Variants in JADE1 observed in about 807,000 individuals in gnomAD.
The protein encoded by JADE1 is jade family PHD finger 1.
Under a neutral mutation model 81.8 loss-of-function variants are expected in JADE1, and 14 were observed. The observed-to-expected ratio is 0.17, with a 90% CI of 0.11 to 0.27. JADE1 has a LOEUF of 0.27. Ranked by LOEUF, JADE1 falls within the 10% of genes least tolerant of loss-of-function variation. The pLI is 1.00. For synonymous variants in JADE1, 353 were observed against 391.9 expected (o/e 0.90, Z 1.17); for missense variants, 690 against 1,047.9 (o/e 0.66, Z 4.71).
chr4:128,857,154 G>A (rs1230634266), intron 7 of JADE1, among the ~76,000 whole-genome samples, 184 bp from the exon 8 acceptor site: 1 of 152,202 alleles, frequency 6.6e-6, no homozygotes, highest in Non-Finnish European at 1.5e-5. Flanking sequence ...GGACTGGGCT[G>A]TGAGCTCAGT....
At chr4:128,866,827 A>G (rs548884323) in intron 9 of JADE1, among the ~76,000 whole-genome samples, 2 of 152,332 alleles carry the variant, frequency 1.3e-5, no homozygotes, top group African/African-American at 4.8e-5. Flanking sequence ...TTGTCCACAT[A>G]TTCCTGAAGA....
rs928556326 is a variant in JADE1 at position 128,838,579 on chromosome 4, A to G, written c.53-4374A>G. ...TACCACGCGGTTTTTAACAATAGCA[A>G]GCACACTGTTTTTAATAAGTGCGTG... On this transcript the variant is annotated intron_variant, in intron 2 of 10. Coordinates refer to ENST00000226319, the MANE Select transcript of JADE1 (RefSeq NM_199320.4). 5.9e-5 allele frequency among the ~76,000 whole-genome samples: 9 copies of G among 152,310 alleles called. No individual in the cohort carries two copies. In the East Asian group the frequency reaches 7.7e-4, roughly 13 times the overall value.
chr4:128,873,204 C>A lies in JADE1; in HGVS notation c.*942C>A, dbSNP rs1732317916. The A allele has an allele frequency of 7.9e-6, 1 of 125,952 alleles. No individual in the cohort carries two copies. The highest frequency in any genetic ancestry group is 1.5e-5 in the Non-Finnish European group (1 of 64,582). 7.8% of individuals were successfully genotyped at this position (125,952 alleles called of 1,614,324 possible). ...TACTTCCCAGAGCCAACCACTAGTG[C>A]ATATGTTAGGGAATCTGGGCTTCCA... On this transcript the variant is annotated 3_prime_UTR_variant, in exon 11 of 11. Transcript: ENST00000226319.
chr4:128,855,521 TG>T, intron 6 of JADE1, 108 bp from the exon 7 acceptor site: 1 of 1,151,488 alleles, frequency 8.7e-7, no homozygotes, highest in Non-Finnish European at 1.2e-6. Context: ...TCTGCTTTGG[TG>T]GTAGTTCTGT....
chr4:128,849,036 C>T lies in JADE1; in HGVS notation c.353C>T (p.Ser118Leu), dbSNP rs1730117244. 1.9e-6 allele frequency: 3 copies of T among 1,614,080 alleles called. No homozygotes were observed. Among genetic ancestry groups the T allele is most frequent in the Non-Finnish European group, 2.5e-6 (3 of 1,180,004 alleles). Residue 118 changes from serine (S) to leucine (L), a missense_variant, in exon 5 of 11, where the codon TCA becomes TTA. By Grantham distance (145) the Ser-to-Leu change is moderately radical. Around this residue, in one of 8 missense-constraint regions of JADE1, gnomAD observed 98 missense variants for 161.3 expected, o/e 0.61. Transcript: ENST00000226319. ...ATCAGGCCCAAGAAGTACATCGTGT[C>T]ATCAGGCTCTGAGCCTCCCGAGTTG... Reference protein sequence around the residue: ...MFIRPKKYIVSSGSEPPELGY... With the variant: ...MFIRPKKYIVLSGSEPPELGY...
chr4:128,842,876 G>C, intron 2 of JADE1, 77 bp from the exon 3 acceptor site: 1 of 1,271,760 alleles, frequency 7.9e-7, no homozygotes. Flanking sequence ...GGATGAGTTT[G>C]GGTAAGAAAA....
chr4:128,865,228 C>T (rs763508136), intron 9 of JADE1, among the ~76,000 whole-genome samples: 1 of 152,144 alleles, frequency 6.6e-6, no homozygotes, highest in Non-Finnish European at 1.5e-5. Context: ...AACACTGAAA[C>T]CACTTTTAGA....
At chr4:128,863,463 C>A in intron 9 of JADE1, 1 of 984,212 alleles carries the variant, frequency 1.0e-6, no homozygotes, top group African/African-American at 1.8e-5. Context: ...CTCATGGAGA[C>A]CTGCATGGCC....
At chr4:128,815,380 G>A (rs1423570352) in intron 1 of JADE1, among the ~76,000 whole-genome samples, 1 of 152,300 alleles carries the variant, frequency 6.6e-6, no homozygotes, top group African/African-American at 2.4e-5. Context: ...GGTTACAGGC[G>A]TGAGCCACCG....
At chr4:128,821,437 A>T (rs574406348) in intron 1 of JADE1, among the ~76,000 whole-genome samples, 98 of 151,124 alleles carry the variant, frequency 6.5e-4, no homozygotes, top group African/African-American at 2.2e-3. Context: ...GCCTTTTTAA[A>T]TTTTTTCCAA....
At position 128,855,678 on chromosome 4, in the gene JADE1, A is replaced by G. The variant is rs1730735969; in HGVS notation, c.745A>G (p.Thr249Ala). 1 of 1,614,130 alleles carries G rather than the reference A, an allele frequency of 6.2e-7. No homozygotes were observed. Among genetic ancestry groups the G allele is most frequent in the Non-Finnish European group, 8.5e-7 (1 of 1,179,986 alleles). Residue 249 changes from threonine to alanine, a missense_variant, in exon 7 of 11, where the codon ACA (threonine) becomes GCA (alanine). Around this residue, in one of 8 missense-constraint regions of JADE1, gnomAD observed 84 missense variants for 226.6 expected, o/e 0.37. Transcript: ENST00000226319. ...ACCAGAGGGCAGCTGGCTGTGCCGG[A>G]CATGTGCCCTGGGGGTTCAGCCAAA... The part of the protein sequence containing the change: ...KVPEGSWLCR[T>A]CALGVQPKCL...
intron 6 of JADE1, 89 bp from the exon 7 acceptor site, chr4:128,855,537 ATCTT>A (rs1730720920): frequency 7.8e-7 from 1 of 1,287,128 alleles, no homozygotes; most frequent in Non-Finnish European, 1.0e-6. Context: ...TTCTGTTAAA[ATCTT>A]TCTAAGTGTT....
At chr4:128,859,577 ATG>A (rs1313048715) in intron 8 of JADE1, among the ~76,000 whole-genome samples, 7 of 151,552 alleles carry the variant, frequency 4.6e-5, no homozygotes, top group South Asian at 2.1e-4. Flanking sequence ...GTATGCGTGT[ATG>A]TGTGAGTGTG....
chr4:128,825,062 C>CA (rs1727923350), intron 1 of JADE1, among the ~76,000 whole-genome samples: 1 of 152,042 alleles, frequency 6.6e-6, no homozygotes. Flanking sequence ...TTTTTCGAGA[C>CA]AGAGTCTTGC....
intron 8 of JADE1, among the ~76,000 whole-genome samples, chr4:128,859,209 G>C (rs1731066556): frequency 6.6e-6 from 1 of 150,782 alleles, no homozygotes; most frequent in South Asian, 2.1e-4. Context: ...TGTGTGTATG[G>C]GTGTGTGTGT....
chr4:128,816,578 C>T (rs768529958), intron 1 of JADE1: 4 of 152,176 alleles, frequency 2.6e-5, no homozygotes, highest in Non-Finnish European at 5.9e-5. Flanking sequence ...GGATCCTTTC[C>T]TCACCTCAAA....
intron 4 of JADE1, among the ~76,000 whole-genome samples, chr4:128,847,159 G>GC (rs1328015134): frequency 6.6e-6 from 1 of 152,196 alleles, no homozygotes; most frequent in Non-Finnish European, 1.5e-5. Flanking sequence ...TCAGGTTGCA[G>GC]CTAGTTTACT....
intron 8 of JADE1, among the ~76,000 whole-genome samples, chr4:128,858,223 A>G (rs1028850136): frequency 1.3e-5 from 2 of 152,238 alleles, no homozygotes; most frequent in African/African-American, 2.4e-5. Flanking sequence ...AGGAGGGAAT[A>G]TAGATGGCAT....
intron 2 of JADE1, among the ~76,000 whole-genome samples, chr4:128,835,472 G>A (rs931185480): frequency 6.6e-6 from 1 of 152,162 alleles, no homozygotes; most frequent in African/African-American, 2.4e-5. Context: ...TTGCACTGGA[G>A]CCTTCCTTTT....
Sources: allele counts gnomAD v4.1 joint callset (sites outside exome capture counted in the v4.1 genomes callset), GRCh38; gene constraint gnomAD v4.1.1; regional missense constraint gnomAD v4.1.1; transcripts MANE v1.5; gene names NCBI Gene and HGNC (gene_info 2026-07-23, HGNC 2026-07-21).